The following RIC3 variants were observed in gnomAD, a reference collection of about 807,000 sequenced individuals.
RIC3 encodes protein RIC-3.
RIC3 carries 28 observed loss-of-function variants against 27.3 expected under a neutral mutation model. The observed-to-expected ratio is 1.02, with a 90% confidence interval of 0.76 to 1.41. The LOEUF is 1.41. RIC3 is among the 40% of genes most tolerant of loss of function. The pLI, the probability that RIC3 is intolerant of heterozygous loss-of-function variation, is 0.00. For synonymous variants in RIC3, 184 were observed against 160.4 expected (o/e 1.15, Z -1.11); for missense variants, 501 against 444.7 (o/e 1.13, Z -1.14).
At chr11:8,115,481 C>G (rs980146801) in intron 5 of RIC3, among the ~76,000 whole-genome samples, 5 of 151,974 alleles carry the variant, frequency 3.3e-5, no homozygotes, top group African/African-American at 9.7e-5. Flanking sequence ...GCAAGGGACA[C>G]TATTCAGTAA....
the RIC3 span, chr11:8,097,544 G>T: frequency 2.8e-6 from 4 of 1,431,210 alleles, no homozygotes; most frequent in Admixed American, 5.3e-5. Flanking sequence ...CAAAGAAACT[G>T]CCTTCGTGTC....
intron 2 of RIC3, 153 bp from the exon 3 acceptor site, chr11:8,138,500 A>T (rs563809643): frequency 2.0e-6 from 1 of 512,624 alleles, no homozygotes; most frequent in African/African-American, 1.9e-5. Flanking sequence ...TCAAAAAAAA[A>T]AACGCCAAAA....
At chr11:8,098,994 G>T in the RIC3 span, 3 of 779,916 alleles carry the variant, frequency 3.8e-6, no homozygotes, top group South Asian at 4.8e-5. Context: ...TGTGGAGAGG[G>T]GCTGTCCTCT....
chr11:8,122,252 C>T (rs1946538155), intron 5 of RIC3, among the ~76,000 whole-genome samples: 1 of 152,150 alleles, frequency 6.6e-6, no homozygotes, highest in South Asian at 2.1e-4. Flanking sequence ...TTCCCTACTC[C>T]TATTCCCCTC....
chr11:8,137,149 C>A (rs553097949), intron 4 of RIC3, among the ~76,000 whole-genome samples: 1 of 152,090 alleles, frequency 6.6e-6, no homozygotes, highest in Admixed American at 6.5e-5. Flanking sequence ...CTCAGCCTCC[C>A]GAGTAGCTGG....
intron 1 of RIC3, among the ~76,000 whole-genome samples, chr11:8,140,478 A>C (rs1233995564): frequency 6.6e-6 from 1 of 152,186 alleles, no homozygotes; most frequent in African/African-American, 2.4e-5. Flanking sequence ...AGTTCCAACC[A>C]AGGAATGTGA....
intron 4 of RIC3, chr11:8,128,394 C>T (rs1436206344): frequency 2.6e-6 from 1 of 380,864 alleles, no homozygotes; most frequent in Non-Finnish European, 5.1e-6. Context: ...CAGGAACAGA[C>T]AAGAGCTTTC....
chr11:8,141,276 A>C (rs1222692734), intron 1 of RIC3, among the ~76,000 whole-genome samples: 1 of 152,088 alleles, frequency 6.6e-6, no homozygotes, highest in East Asian at 1.9e-4. Context: ...TGCTGTATTC[A>C]GGAAACCCAT....
the RIC3 span, among the ~76,000 whole-genome samples, chr11:8,096,369 C>G: frequency 6.6e-6 from 1 of 152,166 alleles, no homozygotes; most frequent in Non-Finnish European, 1.5e-5. Context: ...ACACAAGAGA[C>G]AGTGGTAGGG....
At chr11:8,104,463 G>A (rs978969605), downstream of RIC3, 1 of 152,216 alleles carries the variant, frequency 6.6e-6, no homozygotes. Context: ...TTTATTTGGG[G>A]AAAAGGGCAA....
intron 1 of RIC3, among the ~76,000 whole-genome samples, chr11:8,168,380 C>G (rs938866224): frequency 5.9e-5 from 9 of 152,174 alleles, no homozygotes; most frequent in African/African-American, 2.2e-4. Flanking sequence ...GAGCCTGAAG[C>G]AGTGAGCGCC....
chr11:8,104,094 G>A (rs549383603), downstream of RIC3: 1 of 152,286 alleles, frequency 6.6e-6, no homozygotes, highest in East Asian at 1.9e-4. Flanking sequence ...CTGGGGCCAT[G>A]GGTGCATGGA....
At chr11:8,098,962 T>A in the RIC3 span, 1 of 968,810 alleles carries the variant, frequency 1.0e-6, no homozygotes, top group South Asian at 1.4e-5. Context: ...ATCCCATCCA[T>A]CTTAGTGGGT....
chr11:8,112,990 A>G (rs1034655482), intron 5 of RIC3, among the ~76,000 whole-genome samples: 1 of 152,230 alleles, frequency 6.6e-6, no homozygotes, highest in Admixed American at 6.5e-5. Context: ...TAAATTTTCA[A>G]TCCTACCAGT....
chr11:8,147,067 C>T (rs1338428855), intron 1 of RIC3, among the ~76,000 whole-genome samples: 1 of 152,178 alleles, frequency 6.6e-6, no homozygotes, highest in East Asian at 1.9e-4. Context: ...CTGATTGCCT[C>T]CTTTGGAAAG....
At position 8,117,905 on chromosome 11, in the gene RIC3, A is replaced by C. The variant is rs567730587; in HGVS notation, c.671-6768T>G. Among the ~76,000 whole-genome samples, 7 of 152,202 alleles carry C rather than the reference A, an allele frequency of 4.6e-5. No individual in the cohort carries two copies. In the East Asian group the frequency reaches 1.4e-3, roughly 29 times the overall value. On this transcript the variant is annotated intron_variant, in intron 5 of 5. Transcript: ENST00000309737. ...ATAAAACTGCTGAGGTAGCCTATGT[A>C]AGCCATCATTACTGGTTACTCAAAA...
chr11:8,138,491 CA>C (rs58292164), intron 2 of RIC3, 144 bp from the exon 3 acceptor site: 6,538 of 292,106 alleles, frequency 0.022, 1 homozygote, highest in East Asian at 0.025. Context: ...AGAAATAGCT[CA>C]AAAAAAAAAA....
chr11:8,126,256 T>G (rs1946979979), intron 5 of RIC3, among the ~76,000 whole-genome samples: 1 of 152,162 alleles, frequency 6.6e-6, no homozygotes, highest in Non-Finnish European at 1.5e-5. Flanking sequence ...AACTGACTAC[T>G]ACTCAGCAAG....
rs543604464 is a variant in RIC3, at chr11:8,134,475, T to C, written c.521+2903A>G. Among the ~76,000 whole-genome samples the C allele has an allele frequency of 2.6e-5, 4 of 152,240 alleles. No individual in the cohort carries two copies. The South Asian group carries it at 6.2e-4, about 24-fold the overall frequency. ...AAACATATGTGTGCATGTGTCTTTA[T>C]AGCAGCATGATTTGTAATCCTTTCT... On this transcript the variant is annotated intron_variant, in intron 4 of 5. Coordinates refer to ENST00000309737, the MANE Select transcript of RIC3 (RefSeq NM_001206671.4).
Sources: gnomAD v4.1 joint callset for allele counts (sites outside exome capture counted in the v4.1 genomes callset) on GRCh38, gnomAD v4.1.1 for gene constraint, MANE v1.5 for transcripts, NCBI Gene and HGNC (gene_info 2026-07-23, HGNC 2026-07-21) for gene names.